HEPHL1: variants seen among roughly 807,000 people sequenced by gnomAD.
HEPHL1 encodes hephaestin like 1.
Under a neutral mutation model 122.0 loss-of-function variants are expected in HEPHL1, and 123 were observed. That is an observed-to-expected ratio of 1.01 (90% confidence interval 0.87 to 1.17). The LOEUF is 1.17. Ranked by LOEUF, HEPHL1 falls within the 50% of genes most tolerant of loss-of-function variation. HEPHL1 has a pLI of 0.00. For missense variants in HEPHL1, 1,452 were observed against 1,430.5 expected, an observed-to-expected ratio of 1.01 and a Z score of -0.24; for synonymous variants, 527 against 508.9, an observed-to-expected ratio of 1.04 and a Z score of -0.48.
chr11:94,084,874 G>A (rs1946203696), intron 10 of HEPHL1, among the ~76,000 whole-genome samples: 1 of 152,076 alleles, frequency 6.6e-6, no homozygotes, highest in Non-Finnish European at 1.5e-5. Context: ...CAATTACCAA[G>A]CACCACTGGT....
intron 1 of HEPHL1, among the ~76,000 whole-genome samples, chr11:94,043,435 G>T (rs1450120120): frequency 6.6e-6 from 1 of 152,112 alleles, no homozygotes; most frequent in Non-Finnish European, 1.5e-5. Context: ...GGGTAGGCTG[G>T]CTGGGGGATG....
intron 6 of HEPHL1, 87 bp from the exon 7 acceptor site, chr11:94,072,938 T>C (rs1946088439): frequency 6.9e-6 from 9 of 1,307,628 alleles, no homozygotes; most frequent in Middle Eastern, 1.9e-4. Flanking sequence ...GCGAGTGGAC[T>C]AAAAGTGATA....
intron 2 of HEPHL1, among the ~76,000 whole-genome samples, chr11:94,046,300 G>A (rs116591821): frequency 0.014 from 2,119 of 150,692 alleles, 61 homozygotes; most frequent in African/African-American, 0.049. Context: ...GTTTCACCAC[G>A]TTGGCCAAGC....
Position 94,073,119 on chromosome 11 carries a change from AAAAG to A in HEPHL1, c.1333_1336del (p.Lys445AspfsTer25). The stretch of plus-strand genomic sequence containing the variant: ...TGAATTTGTTGATGCAACTTTTACT[AAAAG>A]AAAGAGACTCTCTGCTGAAGAAGCC... On this transcript the variant is annotated frameshift_variant, in exon 7 of 20. Coordinates refer to ENST00000315765, the MANE Select transcript of HEPHL1 (RefSeq NM_001098672.2). LOFTEE classifies it high-confidence loss of function. 1 of 1,613,210 alleles carries A rather than the reference AAAAG, an allele frequency of 6.2e-7. No individual in the cohort carries two copies. Among genetic ancestry groups the A allele is most frequent in the East Asian group, 2.2e-5 (1 of 44,868 alleles).
chr11:94,064,392 T>G lies in HEPHL1; in HGVS notation c.690T>G (p.Phe230Leu), dbSNP rs764731933. Residue 230 changes from phenylalanine (F) to leucine (L), a missense_variant, in exon 4 of 20, where the codon TTT becomes TTG. Transcript: ENST00000315765. The stretch of plus-strand genomic sequence containing the variant: ...TGGATCGAGAGTTTGTTATAATGTT[T>G]ACTCTTGTGGATGAGAATCAAAGCT... ...NDVDREFVIM[F>L]TLVDENQSWY... 4 of 1,613,052 alleles carry G rather than the reference T, an allele frequency of 2.5e-6. No individual in the cohort carries two copies. In the South Asian group the frequency reaches 4.4e-5, roughly 18 times the overall value.
chr11:94,023,657 G>C (rs1302331731), intron 1 of HEPHL1, among the ~76,000 whole-genome samples: 1 of 152,234 alleles, frequency 6.6e-6, no homozygotes, highest in South Asian at 2.1e-4. Flanking sequence ...TAGTGCGTTT[G>C]TTCTTAGAAG....
chr11:94,034,723 C>A (rs1945705714), intron 1 of HEPHL1, among the ~76,000 whole-genome samples: 2 of 152,116 alleles, frequency 1.3e-5, no homozygotes, highest in Non-Finnish European at 2.9e-5. Context: ...ACTAGACAGG[C>A]AAGCAGATGC....
chr11:94,099,185 G>A (rs967013426), intron 13 of HEPHL1, among the ~76,000 whole-genome samples: 2 of 152,142 alleles, frequency 1.3e-5, no homozygotes, highest in Admixed American at 6.5e-5. Context: ...GTACAGATGG[G>A]GTTTTGGTGT....
intron 14 of HEPHL1, among the ~76,000 whole-genome samples, chr11:94,102,566 T>C (rs1442766088): frequency 1.3e-5 from 2 of 152,316 alleles, no homozygotes; most frequent in South Asian, 2.1e-4. Flanking sequence ...GCAGAGGTCC[T>C]TGATGACAAA....
At chr11:94,037,103 G>T (rs999011896) in intron 1 of HEPHL1, among the ~76,000 whole-genome samples, 27 of 152,206 alleles carry the variant, frequency 1.8e-4, no homozygotes, top group Non-Finnish European at 2.6e-4. Context: ...AAAGAAAGGG[G>T]TGACGGACGC....
intron 9 of HEPHL1, among the ~76,000 whole-genome samples, chr11:94,077,714 A>G (rs2134436576): frequency 6.6e-6 from 1 of 152,292 alleles, no homozygotes; most frequent in Non-Finnish European, 1.5e-5. Context: ...AAAAATCAAC[A>G]CTATTTAGAC....
In HEPHL1 at chr11:94,086,085, T is replaced by C. The variant is rs761222013; in HGVS notation, c.1976T>C (p.Ile659Thr). 10 of 1,613,738 alleles carry C rather than the reference T, an allele frequency of 6.2e-6. No individual in the cohort carries two copies. The Admixed American group carries it at 6.7e-5, about 11-fold the overall frequency. Residue 659 changes from isoleucine to threonine, a missense_variant, in exon 11 of 20, where the codon ATT becomes ACT. Physicochemically the swap from Ile to Thr is moderately conservative, Grantham distance 89. Coordinates refer to ENST00000315765, the MANE Select transcript of HEPHL1 (RefSeq NM_001098672.2). ...GGCACTGACACTGACATGCATGGAA[T>C]TGTTTTTCAAGGGAACACCATCCAC... ...GLGTDTDMHG[I>T]VFQGNTIHLR...
intron 14 of HEPHL1, among the ~76,000 whole-genome samples, chr11:94,101,637 G>T (rs1177206863): frequency 1.3e-5 from 2 of 152,150 alleles, no homozygotes; most frequent in African/African-American, 4.8e-5. Flanking sequence ...ATTTACATTA[G>T]GGTTCAGTAT....
intron 13 of HEPHL1, among the ~76,000 whole-genome samples, chr11:94,097,088 C>T (rs372438222): frequency 5.9e-5 from 9 of 152,122 alleles, no homozygotes; most frequent in African/African-American, 2.2e-4. Context: ...TCTTGCTTAT[C>T]TTGTTATTTT....
intron 10 of HEPHL1, among the ~76,000 whole-genome samples, chr11:94,084,193 G>A (rs1030796932): frequency 2.0e-5 from 3 of 151,794 alleles, no homozygotes; most frequent in African/African-American, 7.3e-5. Flanking sequence ...GTATGGTGGT[G>A]TGCACCTGTA....
chr11:94,060,898 G>C (rs1247834349), intron 2 of HEPHL1, among the ~76,000 whole-genome samples: 1 of 152,168 alleles, frequency 6.6e-6, no homozygotes, highest in Non-Finnish European at 1.5e-5. Flanking sequence ...GGATTAGAAA[G>C]GCTAGAGGAA....
intron 1 of HEPHL1, among the ~76,000 whole-genome samples, chr11:94,026,526 C>G (rs1044836054): frequency 6.6e-6 from 1 of 152,198 alleles, no homozygotes; most frequent in Admixed American, 6.5e-5. Flanking sequence ...TCTTGCTTTT[C>G]CCACCTCCAT....
At chr11:94,037,128 G>A (rs1355645867) in intron 1 of HEPHL1, among the ~76,000 whole-genome samples, 2 of 152,174 alleles carry the variant, frequency 1.3e-5, no homozygotes, top group Non-Finnish European at 2.9e-5. Context: ...GGAAAATCGG[G>A]TCACTCCCAC....
In HEPHL1 at chr11:94,067,596, C is replaced by G; in HGVS notation, c.909C>G (p.Ile303Met). ...TTGGAATGGGGAATGAAATAGACATCCATTCTATCTATTTCTATGGTAACA... is the reference window on the plus strand; with the variant it reads ...TTGGAATGGGGAATGAAATAGACATGCATTCTATCTATTTCTATGGTAACA... ...HLFGMGNEID[I>M]HSIYFYGNTF... is the part of the protein sequence containing the mutation. The change falls in exon 5 of 20, where the codon ATC (isoleucine) becomes ATG (methionine). Residue 303 changes from isoleucine to methionine, a missense_variant. By Grantham distance (10) the Ile-to-Met change is conservative. Transcript: ENST00000315765. The G allele has an allele frequency of 6.2e-7, 1 of 1,612,870 alleles. No homozygotes were observed. The highest frequency in any genetic ancestry group is 8.5e-7 in the Non-Finnish European group (1 of 1,178,922).
Sources: gnomAD v4.1 joint callset for allele counts (sites outside exome capture counted in the v4.1 genomes callset) on GRCh38, gnomAD v4.1.1 for gene constraint, MANE v1.5 for transcripts, NCBI Gene and HGNC (gene_info 2026-07-23, HGNC 2026-07-21) for gene names.